MYH7B: variants seen among roughly 807,000 people sequenced by gnomAD.
MYH7B encodes myosin heavy chain 7B, also known as myosin-7B.
MYH7B carries 205 observed loss-of-function variants against 234.5 expected under a neutral mutation model. The observed-to-expected ratio is 0.87, with a 90% confidence interval of 0.78 to 0.98. The LOEUF (loss-of-function observed/expected upper bound fraction) is 0.98. MYH7B is among the 50% of genes least tolerant of loss of function. The pLI is 0.00. For missense variants in MYH7B, 2,652 were observed against 2,633.4 expected, an observed-to-expected ratio of 1.01 and a Z score of -0.15; for synonymous variants, 1,193 against 1,105.0, an observed-to-expected ratio of 1.08 and a Z score of -1.58.
In MYH7B at chr20:35,001,171, C is replaced by A; in HGVS notation, c.5475+13C>A. The A allele has an allele frequency of 6.2e-7, 1 of 1,610,970 alleles. No homozygotes were observed. The highest frequency in any genetic ancestry group is 8.5e-7 in the Non-Finnish European group (1 of 1,177,858). On this transcript the variant is annotated intron_variant, in intron 41 of 44. Coordinates refer to ENST00000262873, the Ensembl canonical transcript of MYH7B. ...GCTGGAGGCCAAGGTGTGTGCAGCC[C>A]CTCTAGTCCTTGGCGCAGGCAGGGT... is the stretch of plus-strand genomic sequence containing the variant.
intron 2 of MYH7B, among the ~76,000 whole-genome samples, chr20:34,966,695 G>A (rs1178118188): frequency 2.0e-5 from 3 of 152,210 alleles, no homozygotes; most frequent in Middle Eastern, 6.8e-3. Flanking sequence ...AATGTCAATA[G>A]TACAGAGTTA....
Position 34,997,235 on chromosome 20 carries a change from C to T in MYH7B, c.3358-16C>T, listed in dbSNP as rs1345117695. The T allele has an allele frequency of 1.3e-6, 2 of 1,556,644 alleles. No homozygotes were observed. The highest frequency in any genetic ancestry group is 1.7e-6 in the Non-Finnish European group (2 of 1,151,348). ...AGGCCCACAGAGGTGACAGCTGCCC[C>T]ACGTGCCCACCCCAGGCTCGGGCGG... On this transcript the variant is annotated splice_polypyrimidine_tract_variant and intron_variant, in intron 31 of 44. Coordinates refer to ENST00000262873, the Ensembl canonical transcript of MYH7B.
At chr20:35,001,278 CAGA>C (rs762788135) in exon 42 of MYH7B, 21 of 1,612,818 alleles carry the variant, frequency 1.3e-5, no homozygotes, top group East Asian at 8.9e-5. Context: ...TGATGCAGAG[CAGA>C]AGAAGCACGC....
chr20:34,993,376 C>T (rs372539035), exon 26 of MYH7B: 12 of 1,613,668 alleles, frequency 7.4e-6, no homozygotes, highest in African/African-American at 4.0e-5. Flanking sequence ...GGAAGAGCTC[C>T]GTGACCAGCG....
chr20:34,994,391 A>G lies in MYH7B; in HGVS notation c.2690A>G (p.Gln897Arg), dbSNP rs2082213602. 2 of 1,578,906 alleles carry G rather than the reference A, an allele frequency of 1.3e-6. No homozygotes were observed. The highest frequency in any genetic ancestry group is 1.2e-5 in the South Asian group (1 of 86,462). ...CAGGAGAAGAATGACCTGGCCCTGC[A>G]GCTGCAGGCTGTGAGTCAGGGTTCC... Residue 897 changes from glutamine (Q) to arginine (R), a missense_variant, in exon 27 of 45, where the codon CAG (glutamine) becomes CGG (arginine). Around this residue, in one of 3 missense-constraint regions of MYH7B, gnomAD observed 2,279 missense variants for 2,211.4 expected, o/e 1.03. Transcript: ENST00000262873.
chr20:34,996,939 A>T, intron 30 of MYH7B, 144 bp from the exon 31 acceptor site: 1 of 1,242,628 alleles, frequency 8.0e-7, no homozygotes, highest in Admixed American at 2.5e-5. Context: ...GCCAGGGTCC[A>T]GGGCTGAGGC....
Position 34,984,774 on chromosome 20 carries a change from A to G in MYH7B, c.648+59A>G. Reference sequence around the variant, plus strand: ...TGGGGGTACCCCCTTCCTCTGCACAACAGAGGGGCCACGGGTGGCTCTGGC... The same window carrying G: ...TGGGGGTACCCCCTTCCTCTGCACAGCAGAGGGGCCACGGGTGGCTCTGGC... On this transcript the variant is annotated intron_variant, in intron 11 of 44. Coordinates refer to ENST00000262873, the Ensembl canonical transcript of MYH7B. 1.9e-6 allele frequency: 3 copies of G among 1,601,122 alleles called. No homozygotes were observed. In the South Asian group the frequency reaches 3.3e-5, roughly 18 times the overall value.
intron 16 of MYH7B, 92 bp downstream of exon 16, chr20:34,987,379 C>T: frequency 6.5e-7 from 1 of 1,542,228 alleles, no homozygotes; most frequent in South Asian, 1.2e-5. Flanking sequence ...AACCTTTAAC[C>T]TCAGTCTTAC....
chr20:34,960,933 T>A (rs1205059010), intron 2 of MYH7B, among the ~76,000 whole-genome samples: 4 of 152,176 alleles, frequency 2.6e-5, no homozygotes, highest in African/African-American at 9.7e-5. Context: ...AGAAACAGAC[T>A]AATTGAAGTT....
chr20:34,979,787 G>A (rs371351605), exon 7 of MYH7B: 2 of 1,613,762 alleles, frequency 1.2e-6, no homozygotes, highest in African/African-American at 2.7e-5. Context: ...CCAGCGCTAT[G>A]CCCGCTGGAT....
intron 2 of MYH7B, among the ~76,000 whole-genome samples, chr20:34,974,481 T>G (rs1014979116): frequency 1.1e-4 from 17 of 152,158 alleles, no homozygotes; most frequent in Non-Finnish European, 5.9e-5. Context: ...AGCAGGAAGA[T>G]GCACCCTGGG....
At chr20:34,964,278 C>T (rs1044231614) in intron 2 of MYH7B, among the ~76,000 whole-genome samples, 1 of 151,596 alleles carries the variant, frequency 6.6e-6, no homozygotes, top group East Asian at 1.9e-4. Context: ...AACGGTGTCT[C>T]GTTGTGATTT....
At position 34,982,519 on chromosome 20, in the gene MYH7B, C is replaced by T. The variant is rs145840864; in HGVS notation, c.588C>T (p.Ile196=). 3,531 of 1,611,706 alleles carry T rather than the reference C, an allele frequency of 2.2e-3. 9 individuals carry two copies. Among genetic ancestry groups the T allele is most frequent in the Non-Finnish European group, 2.6e-3 (3,027 of 1,178,692 alleles). ...AGCGGGTCATTCAGTACTTTGCCAT[C>T]GTCGCTGCCCTGGGAGACGGGCCGG... The change falls in exon 10 of 45, where the codon ATC becomes ATT. Residue 196 remains isoleucine, a synonymous_variant. Coordinates refer to ENST00000262873, the Ensembl canonical transcript of MYH7B.
At chr20:34,983,337 TTTGA>T (rs2081970602) in intron 10 of MYH7B, among the ~76,000 whole-genome samples, 1 of 145,992 alleles carries the variant, frequency 6.8e-6, no homozygotes, top group South Asian at 2.2e-4. Context: ...TTTTTACCCA[TTTGA>T]TTGTCTTGAT....
At chr20:34,998,757 G>C (rs762851834) in exon 35 of MYH7B, 79 of 1,612,536 alleles carry the variant, frequency 4.9e-5, no homozygotes, top group Non-Finnish European at 6.7e-5. Flanking sequence ...AGGCTCTGCG[G>C]CACGACTGTG....
In MYH7B at chr20:34,995,328, C is replaced by T. The variant is rs1194491879; in HGVS notation, c.2701-8C>T. The stretch of plus-strand genomic sequence containing the variant: ...CCCCAACCTGGCCCCGTTCCGTGTG[C>T]CCTCCAGGAGCAGGACAACCTGGCA... On this transcript the variant is annotated splice_polypyrimidine_tract_variant and splice_region_variant and intron_variant, in intron 27 of 44. Transcript: ENST00000262873. 18 of 1,609,946 alleles carry T rather than the reference C, an allele frequency of 1.1e-5. No homozygotes were observed. The highest frequency in any genetic ancestry group is 1.4e-5 in the Non-Finnish European group (17 of 1,177,854).
At chr20:34,999,354 G>A (rs1017782288) in exon 36 of MYH7B, 2 of 1,548,910 alleles carry the variant, frequency 1.3e-6, no homozygotes, top group Admixed American at 1.9e-5. Context: ...CGGCCACGAG[G>A]AGGCACTTGA....
At chr20:34,999,965 T>A in intron 38 of MYH7B, 59 bp downstream of exon 38, 1 of 1,454,992 alleles carries the variant, frequency 6.9e-7, no homozygotes, top group Non-Finnish European at 9.5e-7. Flanking sequence ...GGAAGCAGTG[T>A]GTACTCTGCT....
intron 2 of MYH7B, among the ~76,000 whole-genome samples, chr20:34,973,178 G>T (rs2081808627): frequency 1.3e-5 from 2 of 152,072 alleles, no homozygotes; most frequent in Admixed American, 1.3e-4. Flanking sequence ...TGCCCCAGTG[G>T]CCCAGCTGGT....
Sources: allele counts gnomAD v4.1 joint callset (sites outside exome capture counted in the v4.1 genomes callset), GRCh38; gene constraint gnomAD v4.1.1; regional missense constraint gnomAD v4.1.1; transcripts MANE v1.5; gene names NCBI Gene and HGNC (gene_info 2026-07-23, HGNC 2026-07-21).